CDH18: variants seen among roughly 807,000 people sequenced by gnomAD.
CDH18 encodes cadherin 18, also known as cadherin-18.
Under a neutral mutation model 67.9 loss-of-function variants are expected in CDH18, and 31 were observed. The observed-to-expected ratio is 0.46, with a 90% CI of 0.34 to 0.62. The LOEUF (loss-of-function observed/expected upper bound fraction) is 0.62, where lower values mean the gene tolerates loss of function less well. CDH18 is among the 20% of genes least tolerant of loss of function. The probability of loss-of-function intolerance (pLI) is 0.01; values close to 1 mark genes in which losing one functional copy is unlikely to be tolerated. For synonymous variants in CDH18, 362 were observed against 347.2 expected (o/e 1.04, Z -0.48); for missense variants, 890 against 975.5 (o/e 0.91, Z 1.17).
intron 1 of CDH18, among the ~76,000 whole-genome samples, chr5:20,511,669 C>T (rs1162088419): frequency 6.6e-6 from 1 of 152,042 alleles, no homozygotes; most frequent in Non-Finnish European, 1.5e-5. Context: ...TTTTTCAATC[C>T]TTGTAAATTT....
chr5:20,378,885 T>G (rs929502811), intron 1 of CDH18, among the ~76,000 whole-genome samples: 2 of 152,110 alleles, frequency 1.3e-5, no homozygotes, highest in Admixed American at 6.6e-5. Flanking sequence ...GCAATACACA[T>G]AAAAACAATA....
chr5:20,158,805 GT>G (rs1243271686), intron 2 of CDH18: 2 of 185,170 alleles, frequency 1.1e-5, no homozygotes, highest in African/African-American at 2.4e-5. Context: ...AGAGCAAAGA[GT>G]TCCATTCCTA....
In CDH18 at chr5:20,197,764, T is replaced by C. The variant is rs146343007; in HGVS notation, c.-518+57680A>G. Among the ~76,000 whole-genome samples, 615 of 152,300 alleles carry C rather than the reference T, an allele frequency of 4.0e-3. 1 individual carries two copies. The highest frequency in any genetic ancestry group is 6.8e-3 in the Non-Finnish European group (464 of 68,016). ...TAAAAGTATAAACGGGATAATAACA[T>C]GTACCATTAGAAAAACAGCATTTGA... On this transcript the variant is annotated intron_variant, in intron 2 of 14. Transcript: ENST00000507958.
intron 2 of CDH18, among the ~76,000 whole-genome samples, chr5:20,115,088 T>G (rs1409531609): frequency 6.6e-6 from 1 of 151,666 alleles, no homozygotes; most frequent in Admixed American, 6.6e-5. Context: ...AGTTCTGGAG[T>G]CTGCAATGTT....
At chr5:19,568,337 A>G (rs1740793707) in intron 8 of CDH18, among the ~76,000 whole-genome samples, 1 of 152,208 alleles carries the variant, frequency 6.6e-6, no homozygotes, top group South Asian at 2.1e-4. Flanking sequence ...TGAAAATGGA[A>G]CTGTCATGAA....
At chr5:20,431,503 A>AT (rs1373797285) in intron 1 of CDH18, among the ~76,000 whole-genome samples, 2 of 146,162 alleles carry the variant, frequency 1.4e-5, no homozygotes, top group Non-Finnish European at 3.1e-5. Context: ...AAAAAAAAAA[A>AT]AAAGAAGAAG....
intron 2 of CDH18, among the ~76,000 whole-genome samples, chr5:19,945,679 A>C (rs1262065872): frequency 6.6e-5 from 10 of 152,202 alleles, no homozygotes; most frequent in Non-Finnish European, 1.2e-4. Flanking sequence ...GTTTTTGGAA[A>C]ACAAACAAAT....
intron 1 of CDH18, among the ~76,000 whole-genome samples, chr5:20,268,201 T>G (rs1449533833): frequency 6.6e-6 from 1 of 152,226 alleles, no homozygotes; most frequent in Non-Finnish European, 1.5e-5. Context: ...CCATTACTGA[T>G]GGACACCTAG....
chr5:19,614,604 T>C (rs1749523922), intron 5 of CDH18, among the ~76,000 whole-genome samples: 2 of 152,092 alleles, frequency 1.3e-5, no homozygotes, highest in African/African-American at 4.8e-5. Context: ...AAATAGGACT[T>C]GTCTTTGGTG....
At chr5:19,690,491 G>A (rs1761718708) in intron 5 of CDH18, among the ~76,000 whole-genome samples, 1 of 151,410 alleles carries the variant, frequency 6.6e-6, no homozygotes, top group Non-Finnish European at 1.5e-5. Context: ...ATAACACAAA[G>A]TCAACCAAAT....
rs138312138 is a variant in CDH18, at chr5:19,810,428, C to T, written c.228+28331G>A. 5.9e-3 allele frequency among the ~76,000 whole-genome samples: 895 copies of T among 151,986 alleles called. 5 individuals are homozygous for T. Among genetic ancestry groups the T allele is most frequent in the African/African-American group, 0.021 (866 of 41,466 alleles). ...TTCAAGTTAATATTCATACTTAATT[C>T]GAAGAGCATAGGATAATGATTTAAT... On this transcript the variant is annotated intron_variant, in intron 3 of 12. Transcript: ENST00000382275.
intron 2 of CDH18, among the ~76,000 whole-genome samples, chr5:20,229,250 A>C (rs1453672042): frequency 6.6e-6 from 1 of 152,110 alleles, no homozygotes; most frequent in African/African-American, 2.4e-5. Flanking sequence ...AGTCAATAAA[A>C]GATTATTTTT....
At position 19,717,971 on chromosome 5, in the gene CDH18, A is replaced by C. The variant is rs151292825; in HGVS notation, c.643+3376T>G. On this transcript the variant is annotated intron_variant, in intron 5 of 12. Coordinates refer to ENST00000382275, the MANE Select transcript of CDH18 (RefSeq NM_004934.5). Reference sequence around the variant, plus strand: ...CACAAATCATAAAATTACCTTAACGAAAGTCATTAAAAACAATACATTTTT... The same window carrying C: ...CACAAATCATAAAATTACCTTAACGCAAGTCATTAAAAACAATACATTTTT... Among the ~76,000 whole-genome samples, 20 of 152,124 alleles carry C rather than the reference A, an allele frequency of 1.3e-4. No homozygotes were observed. The East Asian group carries it at 3.3e-3, about 25-fold the overall frequency.
chr5:20,075,493 C>T (rs1743847519), intron 2 of CDH18, among the ~76,000 whole-genome samples: 2 of 150,978 alleles, frequency 1.3e-5, no homozygotes, highest in South Asian at 4.2e-4. Context: ...TAGAGATAGA[C>T]TCTGCCTCAA....
intron 2 of CDH18, among the ~76,000 whole-genome samples, chr5:20,227,477 TCAA>T (rs1741724209): frequency 6.6e-6 from 1 of 152,072 alleles, no homozygotes; most frequent in Admixed American, 6.6e-5. Context: ...TCATACAAAT[TCAA>T]CAGTATATGT....
intron 2 of CDH18, among the ~76,000 whole-genome samples, chr5:20,060,204 C>A (rs562919463): frequency 7.1e-4 from 108 of 152,192 alleles, no homozygotes; most frequent in African/African-American, 2.6e-3. Context: ...GTGACTCATG[C>A]CTGTAATCCC....
chr5:20,388,134 A>G (rs187870994), intron 1 of CDH18, among the ~76,000 whole-genome samples: 162 of 152,258 alleles, frequency 1.1e-3, no homozygotes, highest in Middle Eastern at 3.4e-3. Context: ...ATAGTGTCAG[A>G]AGGAATGGCA....
At chr5:19,603,673 C>T (rs1747547499) in intron 6 of CDH18, among the ~76,000 whole-genome samples, 4 of 151,178 alleles carry the variant, frequency 2.6e-5, no homozygotes, top group Admixed American at 2.6e-4. Flanking sequence ...ATATTACTAC[C>T]AAAATATATA....
intron 1 of CDH18, among the ~76,000 whole-genome samples, chr5:20,290,928 T>G (rs981969436): frequency 2.0e-5 from 3 of 152,068 alleles, no homozygotes; most frequent in African/African-American, 7.2e-5. Context: ...AAGATTCCAG[T>G]GCTGGAGCAG....
Sources: gnomAD v4.1 joint callset for allele counts (sites outside exome capture counted in the v4.1 genomes callset) on GRCh38, gnomAD v4.1.1 for gene constraint, MANE v1.5 for transcripts, NCBI Gene and HGNC (gene_info 2026-07-23, HGNC 2026-07-21) for gene names.